QKI: variants seen among roughly 807,000 people sequenced by gnomAD.
QKI encodes QKI, KH domain containing RNA binding.
QKI carries 10 observed loss-of-function variants against 39.0 expected under a neutral mutation model. That is an observed-to-expected ratio of 0.26 (90% CI 0.16 to 0.43). The LOEUF is 0.43. Among genes scored for constraint, QKI ranks in the 20% least tolerant of loss-of-function variants. QKI has a pLI of 1.00. For synonymous variants in QKI, 204 were observed against 155.4 expected, an observed-to-expected ratio of 1.31 and a Z score of -2.33; for missense variants, 218 against 428.0, an observed-to-expected ratio of 0.51 and a Z score of 4.33.
chr6:163,467,110 G>A (rs1185335908), intron 2 of QKI, among the ~76,000 whole-genome samples: 2 of 150,962 alleles, frequency 1.3e-5, no homozygotes, highest in African/African-American at 4.9e-5. Flanking sequence ...TTTCAAAAGA[G>A]AATATACAGA....
At chr6:163,459,022 AATAAT>A (rs1475350607) in intron 2 of QKI, among the ~76,000 whole-genome samples, 1 of 152,194 alleles carries the variant, frequency 6.6e-6, no homozygotes. Context: ...GTGGCTTAAA[AATAAT>A]AATCATTTAT....
At chr6:163,456,365 T>G (rs1038479537) in intron 2 of QKI, among the ~76,000 whole-genome samples, 1 of 152,198 alleles carries the variant, frequency 6.6e-6, no homozygotes, top group Non-Finnish European at 1.5e-5. Context: ...GTCTTTGTTA[T>G]TCACTGCTGT....
At chr6:163,483,751 C>G (rs187168353) in intron 3 of QKI, among the ~76,000 whole-genome samples, 29 of 152,286 alleles carry the variant, frequency 1.9e-4, no homozygotes, top group Admixed American at 1.8e-3. Context: ...TTAACTTTTT[C>G]CAGACTCCTG....
At chr6:163,428,313 CTCAGT>C (rs1194289152) in intron 1 of QKI, among the ~76,000 whole-genome samples, 4 of 152,182 alleles carry the variant, frequency 2.6e-5, no homozygotes, top group Non-Finnish European at 5.9e-5. Flanking sequence ...GCCTTTACAA[CTCAGT>C]TGTTTGAAGG....
Position 163,576,393 on chromosome 6 carries a change from CATT to C in QKI, c.*5686_*5688del, listed in dbSNP as rs1273872490. On this transcript the variant is annotated 3_prime_UTR_variant, in exon 8 of 8. Coordinates refer to ENST00000361752, the MANE Select transcript of QKI (RefSeq NM_006775.3). The stretch of plus-strand genomic sequence containing the variant: ...AAGGGCAGCCACAGTGTTGATTCCA[CATT>C]ATAATGTTGTTGCCTCTTCTTGGCA... 1.3e-5 allele frequency: 2 copies of C among 152,092 alleles called. No individual in the cohort carries two copies. The highest frequency in any genetic ancestry group is 1.3e-4 in the Admixed American group (2 of 15,274). The allele number at this position is 152,092 out of a possible 1,614,324, so 9.4% of individuals were successfully genotyped here.
chr6:163,421,012 C>T (rs1787953814), intron 1 of QKI, among the ~76,000 whole-genome samples: 3 of 152,120 alleles, frequency 2.0e-5, no homozygotes, highest in South Asian at 4.1e-4. Context: ...AACATGTTGA[C>T]ATCTTACCTC....
intron 3 of QKI, among the ~76,000 whole-genome samples, chr6:163,527,858 A>G (rs1248446529): frequency 2.0e-5 from 3 of 152,188 alleles, no homozygotes; most frequent in Admixed American, 6.5e-5. Context: ...TACGCATTGT[A>G]TATTAAGATC....
At chr6:163,434,126 A>G (rs1053906374) in intron 1 of QKI, among the ~76,000 whole-genome samples, 1 of 152,056 alleles carries the variant, frequency 6.6e-6, no homozygotes, top group African/African-American at 2.4e-5. Context: ...ACAAAGATGG[A>G]TAAGACATAG....
At chr6:163,476,367 C>T (rs1250627996) in intron 2 of QKI, among the ~76,000 whole-genome samples, 1 of 149,786 alleles carries the variant, frequency 6.7e-6, no homozygotes, top group African/African-American at 2.5e-5. Context: ...TTATCTTGTC[C>T]TGTCTCTCTC....
At chr6:163,440,741 C>G (rs1789704154) in intron 1 of QKI, among the ~76,000 whole-genome samples, 1 of 152,154 alleles carries the variant, frequency 6.6e-6, no homozygotes, top group Non-Finnish European at 1.5e-5. Context: ...AGAACTGGGA[C>G]CATGTCTGTA....
chr6:163,534,271 CT>C (rs1466747188), intron 3 of QKI, among the ~76,000 whole-genome samples: 1 of 152,038 alleles, frequency 6.6e-6, no homozygotes, highest in African/African-American at 2.4e-5. Context: ...GTATTTATGA[CT>C]TGATATAATT....
chr6:163,486,345 C>T (rs1435253869), intron 3 of QKI, among the ~76,000 whole-genome samples: 1 of 152,168 alleles, frequency 6.6e-6, no homozygotes, highest in Non-Finnish European at 1.5e-5. Context: ...CATAGTCTCC[C>T]CTTTTTTGAA....
intron 6 of QKI, chr6:163,566,395 A>AAGGACTACTTTCACTGAAGT: frequency 3.3e-6 from 4 of 1,222,144 alleles, no homozygotes; most frequent in Non-Finnish European, 4.1e-6. Context: ...TCCTGCTGCA[A>AAGGACTACTTTCACTGAAGT]GAAAGGCACT....
chr6:163,456,059 C>T (rs1314544215), intron 2 of QKI, among the ~76,000 whole-genome samples: 1 of 152,144 alleles, frequency 6.6e-6, no homozygotes. Context: ...CACATTGACC[C>T]TCTTTTGGCT....
intron 3 of QKI, among the ~76,000 whole-genome samples, chr6:163,528,725 A>G (rs1479803893): frequency 1.3e-5 from 2 of 152,162 alleles, no homozygotes; most frequent in South Asian, 2.1e-4. Flanking sequence ...AATTGTGACT[A>G]TCTGCTCTGC....
At chr6:163,570,258 T>C (rs1303945419) in intron 7 of QKI, 1 of 980,860 alleles carries the variant, frequency 1.0e-6, no homozygotes, top group African/African-American at 1.7e-5. Flanking sequence ...TCATTAATAG[T>C]TGCTTTAATG....
chr6:163,461,808 CAG>C (rs553848702), intron 2 of QKI, among the ~76,000 whole-genome samples: 15 of 152,146 alleles, frequency 9.9e-5, no homozygotes, highest in Non-Finnish European at 1.9e-4. Flanking sequence ...TGGCTAATAA[CAG>C]AATCTTCCTC....
At chr6:163,439,355 C>G (rs2260243) in intron 1 of QKI, among the ~76,000 whole-genome samples, 39,885 of 102,046 alleles carry the variant, frequency 0.39, 7,301 homozygotes, top group African/African-American at 0.5. Context: ...TTTTTTTTTT[C>G]GGGGGGGTGG....
chr6:163,488,996 T>C (rs1322677366), intron 3 of QKI, among the ~76,000 whole-genome samples: 2 of 144,038 alleles, frequency 1.4e-5, no homozygotes, highest in East Asian at 4.2e-4. Flanking sequence ...TTTTTAAACA[T>C]AAACAGTTAT....
Sources: gnomAD v4.1 joint callset for allele counts (sites outside exome capture counted in the v4.1 genomes callset) on GRCh38, gnomAD v4.1.1 for gene constraint, MANE v1.5 for transcripts, NCBI Gene and HGNC (gene_info 2026-07-23, HGNC 2026-07-21) for gene names.